The following MYO16 variants were observed in gnomAD, a reference collection of about 807,000 sequenced individuals.
MYO16 encodes unconventional myosin-XVI.
MYO16 carries 94 observed loss-of-function variants against 205.3 expected under a neutral mutation model. The ratio of observed to expected loss-of-function variants is 0.46; its 90% CI spans 0.39 to 0.54. The LOEUF is 0.54. Ranked by LOEUF, MYO16 falls within the 20% of genes least tolerant of loss-of-function variation. The probability of loss-of-function intolerance (pLI) is 0.00; values close to 1 mark genes in which losing one functional copy is unlikely to be tolerated. For synonymous variants in MYO16, 988 were observed against 954.0 expected (o/e 1.04, Z -0.66); for missense variants, 2,315 against 2,387.5 (o/e 0.97, Z 0.63).
the MYO16 span, among the ~76,000 whole-genome samples, chr13:108,499,857 G>T: frequency 6.6e-6 from 1 of 152,162 alleles, no homozygotes; most frequent in Admixed American, 6.5e-5. Flanking sequence ...TCTGTGGCCA[G>T]AGAAAAAGCC....
At chr13:108,696,600 A>C (rs996432353) in intron 2 of MYO16, among the ~76,000 whole-genome samples, 1 of 152,212 alleles carries the variant, frequency 6.6e-6, no homozygotes, top group African/African-American at 2.4e-5. Flanking sequence ...CCTGCGGGGA[A>C]GGACCAGGAG....
intron 28 of MYO16, among the ~76,000 whole-genome samples, chr13:109,117,968 G>C (rs1306229375): frequency 6.6e-6 from 1 of 152,084 alleles, no homozygotes; most frequent in African/African-American, 2.4e-5. Context: ...ACCAATTACA[G>C]ATGTAGCCTC....
At chr13:108,826,787 A>G (rs1194526099) in intron 9 of MYO16, among the ~76,000 whole-genome samples, 1 of 152,160 alleles carries the variant, frequency 6.6e-6, no homozygotes, top group Non-Finnish European at 1.5e-5. Flanking sequence ...AATACTCTAC[A>G]TTATTTATCA....
chr13:109,115,812 G>T (rs962472108), intron 28 of MYO16, among the ~76,000 whole-genome samples: 5 of 152,112 alleles, frequency 3.3e-5, no homozygotes, highest in South Asian at 2.1e-4. Flanking sequence ...TCTTAAATTT[G>T]TATCTTCATT....
At chr13:109,093,390 G>T (rs934467754) in intron 27 of MYO16, among the ~76,000 whole-genome samples, 4 of 152,156 alleles carry the variant, frequency 2.6e-5, no homozygotes, top group African/African-American at 9.7e-5. Context: ...AGACAGAGGT[G>T]TATGGCAGTA....
At chr13:108,572,185 C>T in the MYO16 span, among the ~76,000 whole-genome samples, 2 of 152,096 alleles carry the variant, frequency 1.3e-5, no homozygotes, top group African/African-American at 4.8e-5. Flanking sequence ...CCTTGGCCTC[C>T]CAAACTGCTG....
In MYO16 at chr13:108,644,350, A is replaced by ATCTGTCTGTCTGTCTG. The variant is rs556879468; in HGVS notation, c.28+14493_28+14494insGTCTGTCTGTCTGTCT. ...GGTTGGAGCATTTATTCTACCATCT[A>ATCTGTCTGTCTGTCTG]TCTGTCTGTCTGTCTATCTATCTAT... On this transcript the variant is annotated intron_variant, in intron 1 of 34. Transcript: ENST00000457511. Among the ~76,000 whole-genome samples, 386 of 138,632 alleles carry ATCTGTCTGTCTGTCTG rather than the reference A, an allele frequency of 2.8e-3. 3 individuals are homozygous for ATCTGTCTGTCTGTCTG. The highest frequency in any genetic ancestry group is 0.014 in the South Asian group (59 of 4,144). The allele number at this position is 138,632 out of a possible 152,430, so 90.9% of individuals were successfully genotyped here. A position where few individuals can be genotyped will look rare whatever the true frequency, so the allele number is the denominator to read the frequency against.
intron 2 of MYO16, among the ~76,000 whole-genome samples, chr13:108,677,681 G>A (rs1355706097): frequency 6.6e-6 from 1 of 151,992 alleles, no homozygotes; most frequent in South Asian, 2.1e-4. Flanking sequence ...GCCATACAAT[G>A]TTATTTCTTA....
intron 21 of MYO16, among the ~76,000 whole-genome samples, chr13:109,007,811 T>C (rs751482015): frequency 2.6e-5 from 4 of 151,910 alleles, no homozygotes; most frequent in Non-Finnish European, 5.9e-5. Flanking sequence ...ATAAAGAAAA[T>C]AATTTCTTCA....
chr13:108,935,170 G>A (rs761845174), intron 16 of MYO16, among the ~76,000 whole-genome samples: 4 of 152,044 alleles, frequency 2.6e-5, no homozygotes, highest in African/African-American at 7.2e-5. Flanking sequence ...GACATTGGTC[G>A]TTTAATAGGA....
chr13:108,518,366 G>T, the MYO16 span, among the ~76,000 whole-genome samples: 3 of 152,134 alleles, frequency 2.0e-5, no homozygotes, highest in Non-Finnish European at 4.4e-5. Context: ...AACACATTTT[G>T]ATACATCAAG....
At chr13:108,675,450 G>A (rs1341688305) in intron 2 of MYO16, among the ~76,000 whole-genome samples, 1 of 152,194 alleles carries the variant, frequency 6.6e-6, no homozygotes, top group African/African-American at 2.4e-5. Flanking sequence ...CCTGTATGAA[G>A]TGAATGTATG....
chr13:108,845,345 C>T (rs1378508150), intron 10 of MYO16, among the ~76,000 whole-genome samples: 1 of 152,178 alleles, frequency 6.6e-6, no homozygotes, highest in Non-Finnish European at 1.5e-5. Flanking sequence ...GTCTGGGTGG[C>T]TTGGACAACA....
chr13:108,892,067 A>G (rs911336834), intron 14 of MYO16, among the ~76,000 whole-genome samples: 2 of 152,138 alleles, frequency 1.3e-5, no homozygotes, highest in Non-Finnish European at 2.9e-5. Context: ...TTTAAAATTT[A>G]TTCTTCTCTA....
intron 2 of MYO16, among the ~76,000 whole-genome samples, chr13:108,697,412 G>T (rs1883132619): frequency 6.6e-6 from 1 of 152,170 alleles, no homozygotes; most frequent in South Asian, 2.1e-4. Flanking sequence ...CCCAAAAGAG[G>T]TCTAGAGATT....
At chr13:108,901,769 G>T (rs1003309164) in intron 15 of MYO16, among the ~76,000 whole-genome samples, 1 of 152,044 alleles carries the variant, frequency 6.6e-6, no homozygotes, top group Non-Finnish European at 1.5e-5. Flanking sequence ...TTTGGTGATC[G>T]TTTTTTATGT....
chr13:108,758,683 A>G (rs1484120622), intron 4 of MYO16, among the ~76,000 whole-genome samples: 1 of 152,216 alleles, frequency 6.6e-6, no homozygotes, highest in African/African-American at 2.4e-5. Flanking sequence ...TTCAATTTAG[A>G]ACTCATCCTG....
intron 16 of MYO16, among the ~76,000 whole-genome samples, chr13:108,918,573 C>T (rs1188033313): frequency 6.6e-6 from 1 of 152,178 alleles, no homozygotes; most frequent in Non-Finnish European, 1.5e-5. Context: ...AGAGGGAGGG[C>T]CTATCTCCAG....
the MYO16 span, among the ~76,000 whole-genome samples, chr13:108,559,470 C>CTT: frequency 6.4e-3 from 560 of 87,380 alleles, 11 homozygotes; most frequent in South Asian, 0.025. Flanking sequence ...TTTTTCTTTT[C>CTT]TTTTTTTTTT....
Sources: allele counts gnomAD v4.1 joint callset (sites outside exome capture counted in the v4.1 genomes callset), GRCh38; gene constraint gnomAD v4.1.1; transcripts MANE v1.5; gene names NCBI Gene and HGNC (gene_info 2026-07-23, HGNC 2026-07-21).